The following GNAL variants were observed in gnomAD, a reference collection of about 807,000 sequenced individuals.
GNAL encodes G protein subunit alpha L, also known as guanine nucleotide-binding protein G(olf) subunit alpha.
A neutral mutation model predicts 55.1 loss-of-function variants in GNAL; 18 were observed. The observed-to-expected ratio is 0.33, with a 90% CI of 0.23 to 0.48. GNAL has a LOEUF of 0.48. Among genes scored for constraint, GNAL ranks in the 20% least tolerant of loss-of-function variants. The pLI, the probability that GNAL is intolerant of heterozygous loss-of-function variation, is 0.99. For synonymous variants in GNAL, 253 were observed against 237.0 expected (o/e 1.07, Z -0.62); for missense variants, 412 against 614.1 (o/e 0.67, Z 3.48).
intron 4 of GNAL, among the ~76,000 whole-genome samples, chr18:11,764,822 G>T (rs1333381100): frequency 6.6e-6 from 1 of 152,160 alleles, no homozygotes; most frequent in East Asian, 1.9e-4. Context: ...TGTAAGTTCT[G>T]TGTAGCTAGG....
intron 4 of GNAL, among the ~76,000 whole-genome samples, chr18:11,755,852 C>T (rs1463319747): frequency 6.6e-6 from 1 of 152,152 alleles, no homozygotes; most frequent in African/African-American, 2.4e-5. Context: ...CAGATGTCCT[C>T]CCGGTTCTCA....
chr18:11,852,007 A>G (rs772746987), intron 5 of GNAL: 2 of 1,613,528 alleles, frequency 1.2e-6, no homozygotes, highest in African/African-American at 1.3e-5. Flanking sequence ...CGACCTCAAC[A>G]TGGAGCTGCC....
At chr18:11,744,780 G>A (rs1356144623) in intron 1 of GNAL, among the ~76,000 whole-genome samples, 1 of 152,226 alleles carries the variant, frequency 6.6e-6, no homozygotes, top group Non-Finnish European at 1.5e-5. Context: ...ATGCAAACAT[G>A]ACTCACTGCA....
intron 1 of GNAL, among the ~76,000 whole-genome samples, chr18:11,743,466 A>C (rs2032623535): frequency 6.6e-6 from 1 of 152,216 alleles, no homozygotes; most frequent in Non-Finnish European, 1.5e-5. Context: ...AGAGTAGAAA[A>C]GTCAGGGTAT....
At chr18:11,739,531 C>T (rs1173051476) in intron 1 of GNAL, among the ~76,000 whole-genome samples, 2 of 152,128 alleles carry the variant, frequency 1.3e-5, no homozygotes, top group African/African-American at 2.4e-5. Flanking sequence ...TTTCATCGGT[C>T]GGCCCCTCTA....
At chr18:11,860,675 C>G (rs890208231) in intron 5 of GNAL, among the ~76,000 whole-genome samples, 1 of 152,102 alleles carries the variant, frequency 6.6e-6, no homozygotes, top group African/African-American at 2.4e-5. Context: ...GAGAAAGGTT[C>G]AAGTTTCTAG....
chr18:11,769,175 A>G (rs1197683430), intron 4 of GNAL, among the ~76,000 whole-genome samples: 2 of 113,122 alleles, frequency 1.8e-5, no homozygotes, highest in South Asian at 3.1e-4. Flanking sequence ...AATATATATT[A>G]TAATATAGAT....
At chr18:11,730,307 C>T (rs974793018) in intron 1 of GNAL, among the ~76,000 whole-genome samples, 2 of 151,788 alleles carry the variant, frequency 1.3e-5, no homozygotes, top group African/African-American at 2.4e-5. Context: ...TTACAGGTGC[C>T]GGCACCACGC....
intron 4 of GNAL, among the ~76,000 whole-genome samples, chr18:11,812,920 T>A (rs1273808998): frequency 4.6e-5 from 7 of 151,812 alleles, no homozygotes; most frequent in Non-Finnish European, 1.0e-4. Flanking sequence ...GTAAAAAATC[T>A]ATATGCTGAA....
chr18:11,832,411 CAGG>C (rs1325449416), intron 5 of GNAL, among the ~76,000 whole-genome samples: 1 of 152,180 alleles, frequency 6.6e-6, no homozygotes, highest in Non-Finnish European at 1.5e-5. Context: ...TGTCATCTTT[CAGG>C]AGTTTTCTTG....
chr18:11,794,306 T>C (rs564419738), intron 4 of GNAL, among the ~76,000 whole-genome samples: 100 of 152,292 alleles, frequency 6.6e-4, no homozygotes, highest in Non-Finnish European at 1.1e-3. Flanking sequence ...CTATTCACAA[T>C]AGCCAAAGGG....
intron 5 of GNAL, chr18:11,857,406 A>G: frequency 1.0e-5 from 8 of 777,438 alleles, no homozygotes; most frequent in Non-Finnish European, 1.3e-5. Context: ...AACTACAGGG[A>G]GTTTTGACTG....
chr18:11,880,150 A>G (rs542789532), intron 11 of GNAL, among the ~76,000 whole-genome samples: 22 of 150,370 alleles, frequency 1.5e-4, no homozygotes, highest in Non-Finnish European at 2.1e-4. Context: ...CCAGCTACTC[A>G]GGAGGCTGAG....
chr18:11,812,921 A>C (rs533726325), intron 4 of GNAL, among the ~76,000 whole-genome samples: 1 of 152,288 alleles, frequency 6.6e-6, no homozygotes, highest in South Asian at 2.1e-4. Flanking sequence ...TAAAAAATCT[A>C]TATGCTGAAA....
At chr18:11,852,338 G>A in intron 5 of GNAL, 2 of 547,262 alleles carry the variant, frequency 3.7e-6, no homozygotes, top group East Asian at 6.3e-5. Context: ...TATTTTTATA[G>A]CAGCCTTTTA....
intron 4 of GNAL, among the ~76,000 whole-genome samples, chr18:11,823,892 A>C (rs1183729978): frequency 6.6e-6 from 1 of 152,198 alleles, no homozygotes; most frequent in Non-Finnish European, 1.5e-5. Flanking sequence ...CGTTTTGGGT[A>C]ATATTACCAA....
chr18:11,830,154 C>T (rs980583317), intron 5 of GNAL, among the ~76,000 whole-genome samples: 21 of 152,158 alleles, frequency 1.4e-4, no homozygotes, highest in African/African-American at 4.8e-4. Context: ...CGCCTTTCCC[C>T]ATGCTGATTC....
chr18:11,814,958 T>C (rs767535345), intron 4 of GNAL, among the ~76,000 whole-genome samples: 3 of 147,990 alleles, frequency 2.0e-5, no homozygotes, highest in Non-Finnish European at 4.5e-5. Context: ...TTACCAGAGG[T>C]TGGAGAGGGG....
intron 1 of GNAL, among the ~76,000 whole-genome samples, chr18:11,717,373 G>A (rs993128421): frequency 5.8e-4 from 88 of 152,360 alleles, no homozygotes; most frequent in African/African-American, 1.8e-3. Flanking sequence ...GCGGGTTGAA[G>A]GGCTCCTCAA....
Sources: gnomAD v4.1 joint callset for allele counts (sites outside exome capture counted in the v4.1 genomes callset) on GRCh38, gnomAD v4.1.1 for gene constraint, MANE v1.5 for transcripts, NCBI Gene and HGNC (gene_info 2026-07-23, HGNC 2026-07-21) for gene names.